Variants in DENND5A observed in about 807,000 individuals in gnomAD.
DENND5A encodes the protein DENN domain containing 5A, also known as DENN domain-containing protein 5A.
A neutral mutation model predicts 140.3 loss-of-function variants in DENND5A; 64 were observed. That is an observed-to-expected ratio of 0.46 (90% CI 0.37 to 0.56). DENND5A has a LOEUF of 0.56. Among genes scored for constraint, DENND5A ranks in the 20% least tolerant of loss-of-function variants. DENND5A has a pLI of 0.00. For missense variants in DENND5A, 1,292 were observed against 1,593.8 expected, an observed-to-expected ratio of 0.81 and a Z score of 3.22; for synonymous variants, 605 against 607.7, an observed-to-expected ratio of 1.00 and a Z score of 0.07.
chr11:9,215,939 C>T (rs1564920695), intron 1 of DENND5A, among the ~76,000 whole-genome samples: 2 of 152,210 alleles, frequency 1.3e-5, no homozygotes, highest in Admixed American at 6.5e-5. Flanking sequence ...GGTAGGTACA[C>T]ATGCACCTTT....
intron 1 of DENND5A, among the ~76,000 whole-genome samples, chr11:9,263,464 C>T (rs1175929317): frequency 2.0e-5 from 3 of 151,656 alleles, no homozygotes; most frequent in South Asian, 2.1e-4. Flanking sequence ...TCAGGTGACC[C>T]GCCCGCCTCG....
chr11:9,213,958 G>A (rs1271624665), intron 1 of DENND5A, among the ~76,000 whole-genome samples: 1 of 152,090 alleles, frequency 6.6e-6, no homozygotes, highest in Non-Finnish European at 1.5e-5. Flanking sequence ...TCTGCAGCAA[G>A]AGTGATGAAA....
intron 9 of DENND5A, 88 bp downstream of exon 9, chr11:9,170,539 C>T: frequency 6.6e-7 from 1 of 1,506,874 alleles, no homozygotes; most frequent in Non-Finnish European, 9.1e-7. Context: ...AGTACAAGGT[C>T]TTCTAGGGGT....
In DENND5A at chr11:9,205,269, C is replaced by T. The variant is rs760615104; in HGVS notation, c.292-952G>A. ...ATATAAAGAAACTTGGATAGTTAAA[C>T]GAACTGACCTGAATCAATCAGTTCC... On this transcript the variant is annotated intron_variant, in intron 3 of 22. Transcript: ENST00000328194. Among the ~76,000 whole-genome samples, 7 of 152,174 alleles carry T rather than the reference C, an allele frequency of 4.6e-5. No individual in the cohort carries two copies. In the East Asian group the frequency reaches 7.7e-4, roughly 17 times the overall value.
intron 10 of DENND5A, among the ~76,000 whole-genome samples, chr11:9,169,528 C>CACAA (rs1554916424): frequency 1.3e-5 from 2 of 150,386 alleles, no homozygotes; most frequent in African/African-American, 4.9e-5. Context: ...CACACACACA[C>CACAA]AAAACTCACA....
rs777623678 is a variant in DENND5A at position 9,165,860 on chromosome 11, G to T, written c.2259C>A (p.Gly753=). The change falls in exon 11 of 23, where the codon GGC becomes GGA. Residue 753 remains glycine, a synonymous_variant. Coordinates refer to ENST00000328194, the MANE Select transcript of DENND5A (RefSeq NM_015213.4). ...IAQTNWKFVE[G]LLKECRNKTK... is the part of the protein sequence containing the mutation. ...CCTTATTGCGGCATTCCTTCAGCAG[G>T]CCCTCTACAAACTTCCAATTGGTCT... The T allele has an allele frequency of 6.2e-7, 1 of 1,613,988 alleles. No homozygotes were observed. The highest frequency in any genetic ancestry group is 1.7e-5 in the Admixed American group (1 of 60,006).
At chr11:9,220,780 CTACTGGGGAGGCTGAGG>C (rs748715359) in intron 1 of DENND5A, among the ~76,000 whole-genome samples, 4 of 151,992 alleles carry the variant, frequency 2.6e-5, no homozygotes, top group Admixed American at 6.6e-5. Flanking sequence ...GTAATCCCAG[CTACTGGGGAGGCTGAGG>C]TACGAGAATT....
rs1255458424 is a variant in DENND5A at position 9,264,903 on chromosome 11, CT to C, written c.109+57del. On this transcript the variant is annotated intron_variant, in intron 1 of 22. Transcript: ENST00000328194. ...AAGCGGGGCTGAAGGAAGGTTTCTTCTGGGGTCCCCGACGACAGCGGGCGCG... is the reference window on the plus strand; with the variant it reads ...AAGCGGGGCTGAAGGAAGGTTTCTTCGGGGTCCCCGACGACAGCGGGCGCG... The C allele has an allele frequency of 3.5e-6, 5 of 1,419,196 alleles. No individual in the cohort carries two copies. In the African/African-American group the frequency reaches 7.4e-5, roughly 21 times the overall value. 87.9% of individuals were successfully genotyped at this position (1,419,196 alleles called of 1,614,324 possible).
intron 1 of DENND5A, among the ~76,000 whole-genome samples, chr11:9,254,312 T>A (rs1036793995): frequency 6.6e-6 from 1 of 152,074 alleles, no homozygotes; most frequent in African/African-American, 2.4e-5. Context: ...TACCCTAGCC[T>A]GGGTCTGGCT....
At chr11:9,204,832 G>C (rs190360591) in intron 3 of DENND5A, among the ~76,000 whole-genome samples, 4 of 152,332 alleles carry the variant, frequency 2.6e-5, no homozygotes, top group Admixed American at 2.6e-4. Flanking sequence ...CTGCACTCCA[G>C]CCTGAGCGAC....
intron 4 of DENND5A, among the ~76,000 whole-genome samples, chr11:9,201,969 A>C (rs1180971416): frequency 6.6e-6 from 1 of 152,196 alleles, no homozygotes; most frequent in Non-Finnish European, 1.5e-5. Flanking sequence ...GTATCACCAA[A>C]AATGAGACAA....
At chr11:9,197,951 T>C (rs1849389244) in intron 4 of DENND5A, among the ~76,000 whole-genome samples, 1 of 152,180 alleles carries the variant, frequency 6.6e-6, no homozygotes, top group Non-Finnish European at 1.5e-5. Flanking sequence ...CTTACCAACG[T>C]CCACTTAGCC....
chr11:9,180,425 C>T (rs1848689831), intron 6 of DENND5A, among the ~76,000 whole-genome samples: 1 of 152,170 alleles, frequency 6.6e-6, no homozygotes, highest in African/African-American at 2.4e-5. Flanking sequence ...CACACTCCAG[C>T]CTGAGTGACA....
intron 10 of DENND5A, among the ~76,000 whole-genome samples, chr11:9,169,495 GCACA>G (rs59297086): frequency 0.025 from 3,596 of 145,784 alleles, 55 homozygotes; most frequent in Non-Finnish European, 0.031. Context: ...ATATACACAC[GCACA>G]CACACACACA....
Position 9,147,167 on chromosome 11 carries a change from T to C in DENND5A, c.2736-16A>G, listed in dbSNP as rs373177048. 6.2e-7 allele frequency: 1 copy of C among 1,613,140 alleles called. No individual in the cohort carries two copies. The highest frequency in any genetic ancestry group is 8.5e-7 in the Non-Finnish European group (1 of 1,179,518). On this transcript the variant is annotated splice_polypyrimidine_tract_variant and intron_variant, in intron 15 of 22. Transcript: ENST00000328194. ...ATATAACTTTCTGTTGGAGAGGAGG[T>C]AATACATCAGTCTCCGACCAAAAGG...
rs532627042 is a variant in DENND5A at position 9,203,490 on chromosome 11, A to ACTGGCCCTC, written c.949+161_949+169dup. The ACTGGCCCTC allele has an allele frequency of 4.9e-4, 321 of 656,658 alleles. 1 individual carries two copies. Among genetic ancestry groups the ACTGGCCCTC allele is most frequent in the East Asian group, 4.5e-3 (158 of 35,372 alleles). 40.7% of individuals were successfully genotyped at this position (656,658 alleles called of 1,614,324 possible). On this transcript the variant is annotated intron_variant, in intron 4 of 22. Coordinates refer to ENST00000328194, the MANE Select transcript of DENND5A (RefSeq NM_015213.4). ...GCCATGAAGATAGTTAATCAGAAAT[A>ACTGGCCCTC]CTGGCCCTCTCATGTCTATCAATTT...
intron 1 of DENND5A, among the ~76,000 whole-genome samples, chr11:9,216,998 TG>T (rs1402726236): frequency 6.6e-6 from 1 of 152,106 alleles, no homozygotes; most frequent in African/African-American, 2.4e-5. Flanking sequence ...ATCACACTAC[TG>T]CACTATAGTC....
chr11:9,252,337 C>T (rs868375081), intron 1 of DENND5A, among the ~76,000 whole-genome samples: 1 of 149,826 alleles, frequency 6.7e-6, no homozygotes, highest in South Asian at 2.1e-4. Context: ...AAAATCTGGC[C>T]GTAATAGCCT....
chr11:9,195,880 G>A (rs1405107822), intron 4 of DENND5A, among the ~76,000 whole-genome samples: 1 of 151,872 alleles, frequency 6.6e-6, no homozygotes, highest in Non-Finnish European at 1.5e-5. Context: ...TCTTTTAAGT[G>A]ACATTGTCTC....
Sources: gnomAD v4.1 joint callset for allele counts (sites outside exome capture counted in the v4.1 genomes callset) on GRCh38, gnomAD v4.1.1 for gene constraint, MANE v1.5 for transcripts, NCBI Gene and HGNC (gene_info 2026-07-23, HGNC 2026-07-21) for gene names.